Variants in LATS1 observed in about 807,000 individuals in gnomAD.
LATS1 encodes the protein serine/threonine-protein kinase LATS1.
In LATS1, 25 loss-of-function variants were observed where a neutral mutation model predicts 106.6. That is an observed-to-expected ratio of 0.23 (90% CI 0.17 to 0.33). The LOEUF is 0.33. Among genes scored for constraint, LATS1 ranks in the 10% least tolerant of loss-of-function variants. The pLI is 1.00. For missense variants in LATS1, 1,040 were observed against 1,382.6 expected (o/e 0.75, Z 3.93); for synonymous variants, 465 against 455.6 (o/e 1.02, Z -0.26).
At chr6:149,698,418 CT>C (rs547621505) in intron 2 of LATS1, among the ~76,000 whole-genome samples, 2 of 151,510 alleles carry the variant, frequency 1.3e-5, no homozygotes, top group Non-Finnish European at 2.9e-5. Flanking sequence ...TGATTTTTAA[CT>C]TTTTTTTGTA....
At chr6:149,691,758 A>G (rs942379092) in intron 3 of LATS1, among the ~76,000 whole-genome samples, 1 of 152,098 alleles carries the variant, frequency 6.6e-6, no homozygotes, top group African/African-American at 2.4e-5. Flanking sequence ...TCATACATAC[A>G]TCCCCACCTC....
chr6:149,685,015 C>A (rs960175722), intron 3 of LATS1, among the ~76,000 whole-genome samples: 1 of 151,878 alleles, frequency 6.6e-6, no homozygotes, highest in Admixed American at 6.6e-5. Flanking sequence ...GTAGGCAGAT[C>A]ACTTGAGGCC....
chr6:149,701,707 T>C (rs953342151), intron 2 of LATS1, 72 bp downstream of exon 2: 10 of 1,107,350 alleles, frequency 9.0e-6, no homozygotes, highest in South Asian at 4.5e-5. Flanking sequence ...CATTTTGGCA[T>C]GTTATCACCC....
rs752587211 is a variant in LATS1 at position 149,683,781 on chromosome 6, T to C, written c.1308A>G (p.Ser436=). 1.9e-5 allele frequency: 30 copies of C among 1,613,772 alleles called. No homozygotes were observed. Among genetic ancestry groups the C allele is most frequent in the East Asian group, 4.5e-5 (2 of 44,902 alleles). The change falls in exon 4 of 8, where the codon TCA becomes TCG. Residue 436 remains serine (S), a synonymous_variant. Coordinates refer to ENST00000543571, the MANE Select transcript of LATS1 (RefSeq NM_004690.4). ...GGGATGACTGGGCTGGAGCAGAAGATGACTGAGGCCAATTTGTTTGCAGTC... is the reference window on the plus strand; with the variant it reads ...GGGATGACTGGGCTGGAGCAGAAGACGACTGAGGCCAATTTGTTTGCAGTC... The part of the protein sequence containing the change: ...VPGLQTNWPQ[S]SSAPAQSSPS...
intron 3 of LATS1, among the ~76,000 whole-genome samples, chr6:149,690,112 T>C (rs931085209): frequency 6.6e-6 from 1 of 152,158 alleles, no homozygotes. Context: ...AGAGTGAGGA[T>C]TGAGAAACAT....
In LATS1 at chr6:149,695,224, G is replaced by A. The variant is rs886287628; in HGVS notation, c.349-3C>T. The A allele has an allele frequency of 2.5e-5, 39 of 1,561,704 alleles. No homozygotes were observed. Among genetic ancestry groups the A allele is most frequent in the Non-Finnish European group, 3.1e-5 (36 of 1,148,674 alleles). On this transcript the variant is annotated splice_region_variant and splice_polypyrimidine_tract_variant and intron_variant, in intron 2 of 7. Coordinates refer to ENST00000543571, the MANE Select transcript of LATS1 (RefSeq NM_004690.4). ...TGAAGAGCTTGTATAACCATATCCT[G>A]ATATGAATTGAAGTTTAAAAAAAAA...
chr6:149,696,559 TAAAAA>T (rs372769091), intron 2 of LATS1, among the ~76,000 whole-genome samples: 2 of 45,820 alleles, frequency 4.4e-5, no homozygotes, highest in Non-Finnish European at 7.6e-5. Flanking sequence ...AACTCCGTCT[TAAAAA>T]AAAAAAAAAA....
At chr6:149,701,724 T>G (rs944418580) in intron 2 of LATS1, 55 bp downstream of exon 2, 2 of 1,327,256 alleles carry the variant, frequency 1.5e-6, no homozygotes, top group Non-Finnish European at 2.1e-6. Context: ...ACCCAAAAAG[T>G]GTTATGTAGC....
chr6:149,695,166 A>G lies in LATS1; in HGVS notation c.404T>C (p.Ile135Thr). 1.2e-6 allele frequency: 2 copies of G among 1,611,432 alleles called. No homozygotes were observed. Among genetic ancestry groups the G allele is most frequent in the Non-Finnish European group, 1.7e-6 (2 of 1,177,758 alleles). Reference sequence around the variant, plus strand: ...GTAACTCATTTTACTAATGAATTCAATTGCTGCTTCTATACTTCTGTTGTT... The same window carrying G: ...GTAACTCATTTTACTAATGAATTCAGTTGCTGCTTCTATACTTCTGTTGTT... ...KTNNRSIEAA[I>T]EFISKMSYQD... is the part of the protein sequence containing the mutation. Residue 135 changes from isoleucine to threonine, a missense_variant, in exon 3 of 8, where the codon ATT becomes ACT. By Grantham distance (89) the Ile-to-Thr change is moderately conservative (BLOSUM62 -1). Coordinates refer to ENST00000543571, the MANE Select transcript of LATS1 (RefSeq NM_004690.4).
At chr6:149,692,419 T>C (rs1348363517) in intron 3 of LATS1, among the ~76,000 whole-genome samples, 1 of 152,016 alleles carries the variant, frequency 6.6e-6, no homozygotes, top group East Asian at 1.9e-4. Flanking sequence ...CTTGATGCGG[T>C]TAAAAAAAAA....
rs1780865597 is a variant in LATS1, at chr6:149,661,114, G to GA, written c.*614_*615insT. The GA allele has an allele frequency of 4.2e-5, 3 of 71,392 alleles. No individual in the cohort carries two copies. Among genetic ancestry groups the GA allele is most frequent in the African/African-American group, 5.5e-5 (1 of 18,108 alleles). The allele number at this position is 71,392 out of a possible 1,614,324, so 4.4% of individuals were successfully genotyped here. ...GATTAAATATTCCATGGGGCGGGGG[G>GA]TGGGGGGGAAGATAAATGCATTATT... is the stretch of plus-strand genomic sequence containing the variant. On this transcript the variant is annotated 3_prime_UTR_variant, in exon 8 of 8. Transcript: ENST00000543571.
chr6:149,715,604 T>C (rs1312970817), intron 1 of LATS1, among the ~76,000 whole-genome samples: 1 of 152,152 alleles, frequency 6.6e-6, no homozygotes, highest in East Asian at 1.9e-4. Context: ...AATTAGTTAA[T>C]AAAAAAATTG....
intron 2 of LATS1, among the ~76,000 whole-genome samples, chr6:149,700,620 C>G (rs900544051): frequency 6.6e-6 from 1 of 151,556 alleles, no homozygotes; most frequent in Non-Finnish European, 1.5e-5. Flanking sequence ...AAAAAACACA[C>G]AAAACAACAA....
At chr6:149,667,223 C>T (rs1781199516) in intron 7 of LATS1, among the ~76,000 whole-genome samples, 1 of 151,460 alleles carries the variant, frequency 6.6e-6, no homozygotes, top group African/African-American at 2.4e-5. Context: ...TCACTTGAGG[C>T]CAGAAGCTGG....
intron 1 of LATS1, among the ~76,000 whole-genome samples, chr6:149,710,330 G>A (rs544493744): frequency 1.3e-5 from 2 of 152,286 alleles, no homozygotes; most frequent in South Asian, 4.1e-4. Context: ...CACTGGAAGC[G>A]GGGTATCCTA....
intron 1 of LATS1, among the ~76,000 whole-genome samples, chr6:149,708,311 A>C (rs1783897396): frequency 6.6e-6 from 1 of 151,982 alleles, no homozygotes; most frequent in Non-Finnish European, 1.5e-5. Flanking sequence ...GCTACTCGGA[A>C]GGCTGAGGCA....
At chr6:149,662,502 GTACCATATAT>G (rs915140163) in intron 7 of LATS1, among the ~76,000 whole-genome samples, 1 of 151,916 alleles carries the variant, frequency 6.6e-6, no homozygotes, top group African/African-American at 2.4e-5. Context: ...TGCCTCCCCT[GTACCATATAT>G]TTATTTCTAT....
rs1319953629 is a variant in LATS1, at chr6:149,679,489, T to G, written c.2593+386A>C. Among the ~76,000 whole-genome samples the G allele has an allele frequency of 7.3e-5, 11 of 151,066 alleles. No homozygotes were observed. The East Asian group carries it at 2.1e-3, about 29-fold the overall frequency. On this transcript the variant is annotated intron_variant, in intron 5 of 7. Coordinates refer to ENST00000543571, the MANE Select transcript of LATS1 (RefSeq NM_004690.4). ...ATCACTTGAACCCAGGAGGGGGATA[T>G]TGCAGTGAGCCAAGATGGTGCCACT...
At chr6:149,707,108 C>T (rs1582923424) in intron 1 of LATS1, among the ~76,000 whole-genome samples, 1 of 150,652 alleles carries the variant, frequency 6.6e-6, no homozygotes, top group South Asian at 2.1e-4. Context: ...CTCTGCCTCC[C>T]TGGTTCAAGC....
Sources: allele counts gnomAD v4.1 joint callset (sites outside exome capture counted in the v4.1 genomes callset), GRCh38; gene constraint gnomAD v4.1.1; transcripts MANE v1.5; gene names NCBI Gene and HGNC (gene_info 2026-07-23, HGNC 2026-07-21).